The following BRD2 variants were observed in gnomAD, a reference collection of about 807,000 sequenced individuals.
BRD2 encodes bromodomain-containing protein 2.
In BRD2, 15 loss-of-function variants were observed where a neutral mutation model predicts 79.1. The observed-to-expected ratio is 0.19, with a 90% confidence interval of 0.13 to 0.29. BRD2 has a LOEUF of 0.29. BRD2 is among the 10% of genes least tolerant of loss of function. BRD2 has a pLI of 1.00. For missense variants in BRD2, 1,053 were observed against 991.3 expected, an observed-to-expected ratio of 1.06 and a Z score of -0.84; for synonymous variants, 488 against 358.6, an observed-to-expected ratio of 1.36 and a Z score of -4.08.
chr6:32,969,304 G>GC (rs771357755), intron 1 of BRD2: 415 of 715,258 alleles, frequency 5.8e-4, no homozygotes, highest in Admixed American at 1.5e-3. Flanking sequence ...GGGCGGTGTG[G>GC]CCCCCCCTAT....
At chr6:32,977,731 A>G (rs1464566511) in intron 8 of BRD2, 26 bp from the exon 9 acceptor site, 1 of 1,612,426 alleles carries the variant, frequency 6.2e-7, no homozygotes, top group East Asian at 2.2e-5. Context: ...TTATCAGCAT[A>G]GTTTTGAGTT....
In BRD2 at chr6:32,971,878, C is replaced by T. The variant is rs1461647986; in HGVS notation, c.-1021C>T. ...CACCTCTTCCAACCACCCTCTTTCC[C>T]TGGAGTCGGCGGACCACAGCTCAGC... On this transcript the variant is annotated 5_prime_UTR_variant, in exon 2 of 13. Transcript: ENST00000374825. The T allele has an allele frequency of 3.1e-5, 22 of 702,004 alleles. No homozygotes were observed. The highest frequency in any genetic ancestry group is 7.0e-5 in the African/African-American group (4 of 57,198). 43.5% of individuals were successfully genotyped at this position (702,004 alleles called of 1,614,324 possible). A position where few individuals can be genotyped will look rare whatever the true frequency, so the allele number is the denominator to read the frequency against.
chr6:32,976,197 G>T, intron 5 of BRD2, 28 bp downstream of exon 5: 1 of 1,570,264 alleles, frequency 6.4e-7, no homozygotes, highest in East Asian at 2.3e-5. Flanking sequence ...TTTGCAAATG[G>T]ACAACTAAAG....
In BRD2 at chr6:32,978,350, CCCTTCTGGCTTTGGA is replaced by C. The variant is rs1352631169; in HGVS notation, c.1812_1826del (p.Phe605_Gly609del). ...GTGGGGGTGGCAGTGCTGCTTTAGG[CCCTTCTGGCTTTGGA>C]CCTTCTGGAGGAAGTGGCACCAAGT... On this transcript the variant is annotated inframe_deletion, in exon 10 of 13. Coordinates refer to ENST00000374825, the MANE Select transcript of BRD2 (RefSeq NM_005104.4). The C allele has an allele frequency of 1.9e-6, 3 of 1,612,974 alleles. No individual in the cohort carries two copies. Among genetic ancestry groups the C allele is most frequent in the Admixed American group, 1.7e-5 (1 of 60,018 alleles).
chr6:32,979,805 C>A (rs992675372), intron 10 of BRD2, 23 bp from the exon 11 acceptor site: 1 of 1,600,118 alleles, frequency 6.2e-7, no homozygotes. Context: ...GCTTCTTTTG[C>A]TGACAACTCT....
At chr6:32,977,255 TC>T in intron 7 of BRD2, 186 bp from the exon 8 acceptor site, 1 of 1,542,714 alleles carries the variant, frequency 6.5e-7, no homozygotes, top group Non-Finnish European at 8.7e-7. Context: ...GATTTCTTTT[TC>T]TAGACATAAA....
chr6:32,972,061 A>C lies in BRD2; in HGVS notation c.-838A>C. On this transcript the variant is annotated 5_prime_UTR_variant, in exon 2 of 13. Transcript: ENST00000374825. ...GCGGAGAGGTGTTCCTTCCCCTTCG[A>C]CTCAGCTTCTTCACCCGCGTGAGCG... 1.4e-6 allele frequency: 1 copy of C among 698,614 alleles called. No homozygotes were observed. Among genetic ancestry groups the C allele is most frequent in the Non-Finnish European group, 2.6e-6 (1 of 383,376 alleles). The allele number at this position is 698,614 out of a possible 1,614,324, so 43.3% of individuals were successfully genotyped here. A position where few individuals can be genotyped will look rare whatever the true frequency, so the allele number is the denominator to read the frequency against.
chr6:32,972,723 G>C lies in BRD2; in HGVS notation c.-176G>C. On this transcript the variant is annotated 5_prime_UTR_variant, in exon 2 of 13. Transcript: ENST00000374825. ...CGCGCCAAGCTGCCCGGAGCTCTCC[G>C]AGAGGCCCCAAAGAGACTGCTTTCG... The C allele has an allele frequency of 2.2e-6, 2 of 915,458 alleles. No homozygotes were observed. The highest frequency in any genetic ancestry group is 1.7e-6 in the Non-Finnish European group (1 of 603,496). 56.7% of individuals were successfully genotyped at this position (915,458 alleles called of 1,614,324 possible).
At chr6:32,980,307 A>T in intron 11 of BRD2, 35 bp from the exon 12 acceptor site, 1 of 1,609,250 alleles carries the variant, frequency 6.2e-7, no homozygotes, top group South Asian at 1.1e-5. Flanking sequence ...TGCTTGGGGC[A>T]ATCTTAATGT....
chr6:32,972,618 T>C lies in BRD2; in HGVS notation c.-281T>C. On this transcript the variant is annotated 5_prime_UTR_variant, in exon 2 of 13. Coordinates refer to ENST00000374825, the MANE Select transcript of BRD2 (RefSeq NM_005104.4). Reference sequence around the variant, plus strand: ...ACGGTGTCTGAGATCGGGGACCGTCTTTTGAAGAGTCAGTCCCTCCTTAGT... The same window carrying C: ...ACGGTGTCTGAGATCGGGGACCGTCCTTTGAAGAGTCAGTCCCTCCTTAGT... 1.7e-6 allele frequency: 1 copy of C among 575,560 alleles called. No homozygotes were observed. Among genetic ancestry groups the C allele is most frequent in the East Asian group, 2.9e-5 (1 of 34,024 alleles). 35.7% of individuals were successfully genotyped at this position (575,560 alleles called of 1,614,324 possible). A position where few individuals can be genotyped will look rare whatever the true frequency, so the allele number is the denominator to read the frequency against.
At chr6:32,969,271 C>A (rs115634162) in intron 1 of BRD2, 20,089 of 700,574 alleles carry the variant, frequency 0.029, 362 homozygotes, top group South Asian at 0.043. Flanking sequence ...CCTCCGTACC[C>A]ATTGGAGGGC....
Position 32,974,532 on chromosome 6 carries a change from C to T in BRD2, c.100C>T (p.Arg34Ter). ...PEAAAPGKRI[R>*]KPSLLYEGFE... ...AGCAGCAGCACCAGGGAAGAGGATT[C>T]GAAAACCCTCTCTCTTGTATGAGGG... Residue 34 changes from arginine (R) to a stop codon, truncating the protein, a stop_gained, in exon 3 of 13, where the codon CGA (arginine) becomes TGA (stop). Coordinates refer to ENST00000374825, the MANE Select transcript of BRD2 (RefSeq NM_005104.4). LOFTEE classifies it high-confidence loss of function. 1 of 1,614,160 alleles carries T rather than the reference C, an allele frequency of 6.2e-7. No homozygotes were observed. The highest frequency in any genetic ancestry group is 8.5e-7 in the Non-Finnish European group (1 of 1,179,994).
intron 10 of BRD2, 118 bp downstream of exon 10, chr6:32,978,506 C>T: frequency 6.7e-7 from 1 of 1,490,360 alleles, no homozygotes; most frequent in South Asian, 1.3e-5. Flanking sequence ...AGGCTTTGAG[C>T]AGTGGTCCCC....
intron 3 of BRD2, 73 bp from the exon 4 acceptor site, chr6:32,975,305 TGTGTGA>T (rs1561938832): frequency 1.7e-5 from 20 of 1,163,122 alleles, no homozygotes; most frequent in Middle Eastern, 2.8e-4. Context: ...TGTGTGTGTG[TGTGTGA>T]GAGTCGGGGA....
Position 32,972,117 on chromosome 6 carries a change from G to T in BRD2, c.-782G>T, listed in dbSNP as rs974357. On this transcript the variant is annotated 5_prime_UTR_variant, in exon 2 of 13. Coordinates refer to ENST00000374825, the MANE Select transcript of BRD2 (RefSeq NM_005104.4). ...GCGCGCGCGGAGGGGGTGGGGAAAA[G>T]CTCAAGCAGGGTGGCGCGCATGAGC... 0.9 allele frequency: 619,368 copies of T among 684,666 alleles called. 280,968 individuals carry two copies. Among genetic ancestry groups the T allele is most frequent in the African/African-American group, 0.98 (55,186 of 56,424 alleles). 42.4% of individuals were successfully genotyped at this position (684,666 alleles called of 1,614,324 possible).
At chr6:32,975,922 T>G in intron 4 of BRD2, 109 bp from the exon 5 acceptor site, 1 of 1,228,134 alleles carries the variant, frequency 8.1e-7, no homozygotes, top group Non-Finnish European at 1.1e-6. Flanking sequence ...AGATGACTGG[T>G]GGGGGTATGG....
chr6:32,980,354 C>A lies in BRD2; in HGVS notation c.2159C>A (p.Pro720His), dbSNP rs753553897. ...TTTCTTTCATTAGCCATTAAGAAGC[C>A]TGTGGGAAAGACAAAGGAGGAACTG... ...KPRKPYTIKK[P>H]VGKTKEELAL... Residue 720 changes from proline to histidine, a missense_variant, in exon 12 of 13, where the codon CCT becomes CAT. Coordinates refer to ENST00000374825, the MANE Select transcript of BRD2 (RefSeq NM_005104.4). 6.2e-7 allele frequency: 1 copy of A among 1,612,898 alleles called. No individual in the cohort carries two copies. The highest frequency in any genetic ancestry group is 8.5e-7 in the Non-Finnish European group (1 of 1,180,022).
chr6:32,969,693 G>T (rs1023965951), intron 1 of BRD2, among the ~76,000 whole-genome samples: 10 of 152,330 alleles, frequency 6.6e-5, no homozygotes, highest in African/African-American at 2.4e-4. Flanking sequence ...GTCTACTCCA[G>T]GCTGGGGTGC....
At chr6:32,969,496 C>T (rs1777757848) in intron 1 of BRD2, 2 of 599,266 alleles carry the variant, frequency 3.3e-6, no homozygotes, top group Non-Finnish European at 6.2e-6. Flanking sequence ...CAGGCGCCAA[C>T]TTCCTTTCTC....
Sources: gnomAD v4.1 joint callset for allele counts (sites outside exome capture counted in the v4.1 genomes callset) on GRCh38, gnomAD v4.1.1 for gene constraint, MANE v1.5 for transcripts, NCBI Gene and HGNC (gene_info 2026-07-23, HGNC 2026-07-21) for gene names.